Variants in CYP4F22 observed in about 807,000 individuals in gnomAD.
The protein encoded by CYP4F22 is ultra-long-chain fatty acid omega-hydroxylase.
In CYP4F22, 37 loss-of-function variants were observed where a neutral mutation model predicts 60.4. The observed-to-expected ratio is 0.61, with a 90% CI of 0.47 to 0.81. The LOEUF (loss-of-function observed/expected upper bound fraction) is 0.81. Among genes scored for constraint, CYP4F22 ranks in the 30% least tolerant of loss-of-function variants. The pLI is 0.00. For missense variants in CYP4F22, 655 were observed against 715.0 expected (o/e 0.92, Z 0.96); for synonymous variants, 258 against 280.5 (o/e 0.92, Z 0.80).
intron 1 of CYP4F22, among the ~76,000 whole-genome samples, chr19:15,522,970 C>T (rs1042653712): frequency 1.3e-5 from 2 of 151,934 alleles, no homozygotes; most frequent in Admixed American, 1.3e-4. Context: ...CTCGGCCTCC[C>T]GAAATGTTGG....
chr19:15,549,306 C>A, intron 12 of CYP4F22, 104 bp downstream of exon 12: 1 of 1,095,286 alleles, frequency 9.1e-7, no homozygotes. Flanking sequence ...GCGCACACCC[C>A]TCCCCACTCC....
intron 12 of CYP4F22, 148 bp from the exon 13 acceptor site, chr19:15,550,526 C>A: frequency 1.3e-6 from 1 of 746,354 alleles, no homozygotes; most frequent in Non-Finnish European, 2.4e-6. Context: ...GGTGTGGCTG[C>A]ATTGCAGGAA....
At chr19:15,541,719 A>G (rs570439648) in intron 8 of CYP4F22, among the ~76,000 whole-genome samples, 1 of 152,086 alleles carries the variant, frequency 6.6e-6, no homozygotes, top group South Asian at 2.1e-4. Context: ...CATCTCTACT[A>G]AAAATACAAA....
At chr19:15,539,707 CACTA>C in intron 7 of CYP4F22, among the ~76,000 whole-genome samples, 1 of 152,312 alleles carries the variant, frequency 6.6e-6, no homozygotes, top group East Asian at 1.9e-4. Flanking sequence ...TCCACATACT[CACTA>C]ACACTTGCTT....
chr19:15,520,682 A>G (rs1211787184), intron 1 of CYP4F22, among the ~76,000 whole-genome samples: 5 of 143,872 alleles, frequency 3.5e-5, no homozygotes, highest in East Asian at 2.1e-4. Flanking sequence ...CCGCCTCCCA[A>G]GTTCAAGCGA....
At chr19:15,524,867 AGG>A (rs1270590778) in intron 2 of CYP4F22, among the ~76,000 whole-genome samples, 2 of 152,170 alleles carry the variant, frequency 1.3e-5, no homozygotes, top group African/African-American at 4.8e-5. Context: ...AGAGGGGGAA[AGG>A]ACGTGGCCAA....
At chr19:15,543,046 T>G (rs1203914270) in intron 8 of CYP4F22, among the ~76,000 whole-genome samples, 2 of 152,164 alleles carry the variant, frequency 1.3e-5, no homozygotes, top group African/African-American at 4.8e-5. Flanking sequence ...ATAGAATAAT[T>G]TATATTCCTT....
intron 10 of CYP4F22, among the ~76,000 whole-genome samples, chr19:15,546,528 G>A (rs1971528103): frequency 6.6e-6 from 1 of 152,118 alleles, no homozygotes; most frequent in South Asian, 2.1e-4. Flanking sequence ...AGGTTGCAGT[G>A]AGCTGAGATT....
At position 15,517,148 on chromosome 19, in the gene CYP4F22, C is replaced by T. The variant is rs780370333; in HGVS notation, c.-108-6545C>T. Among the ~76,000 whole-genome samples, 60 of 144,424 alleles carry T rather than the reference C, an allele frequency of 4.2e-4. 1 individual carries two copies. Among genetic ancestry groups the T allele is most frequent in the Non-Finnish European group, 1.6e-4 (11 of 67,204 alleles). The allele number at this position is 144,424 out of a possible 152,430, so 94.7% of individuals were successfully genotyped here. ...AAATGATAATTCTAGGGTTTCCCCA[C>T]AGTGGCTGCACTATTTTTTTTTGTG... On this transcript the variant is annotated intron_variant, in intron 1 of 13. Transcript: ENST00000269703.
At chr19:15,521,711 C>T (rs1971227745) in intron 1 of CYP4F22, among the ~76,000 whole-genome samples, 1 of 152,146 alleles carries the variant, frequency 6.6e-6, no homozygotes, top group Non-Finnish European at 1.5e-5. Flanking sequence ...CCCTATGTCA[C>T]CCAGGCTGGG....
intron 12 of CYP4F22, among the ~76,000 whole-genome samples, chr19:15,549,812 A>AG (rs1971573959): frequency 6.6e-6 from 1 of 151,544 alleles, no homozygotes; most frequent in Non-Finnish European, 1.5e-5. Context: ...TCTAAAAAAA[A>AG]AAAAAGTTAG....
intron 3 of CYP4F22, among the ~76,000 whole-genome samples, chr19:15,529,042 C>T (rs965008793): frequency 1.3e-5 from 2 of 152,140 alleles, no homozygotes; most frequent in African/African-American, 4.8e-5. Flanking sequence ...ATCCCAAGCT[C>T]AGGTGGTCCT....
intron 1 of CYP4F22, chr19:15,516,588 T>C (rs367921101): frequency 1.1e-4 from 31 of 270,674 alleles, no homozygotes; most frequent in African/African-American, 6.6e-4. Context: ...ATTATCTGAA[T>C]GCTGATTTTT....
chr19:15,525,016 C>A (rs1971265628), intron 2 of CYP4F22, among the ~76,000 whole-genome samples: 1 of 152,128 alleles, frequency 6.6e-6, no homozygotes, highest in African/African-American at 2.4e-5. Context: ...GAGCCTCAGT[C>A]ATTGGTTGAG....
At chr19:15,529,376 G>T (rs1167486828) in intron 3 of CYP4F22, among the ~76,000 whole-genome samples, 1 of 152,016 alleles carries the variant, frequency 6.6e-6, no homozygotes, top group African/African-American at 2.4e-5. Flanking sequence ...TGATCTGCTT[G>T]CCTTGGCCTC....
chr19:15,551,238 C>T (rs1388505040), intron 13 of CYP4F22, 56 bp from the exon 14 acceptor site: 4 of 1,575,002 alleles, frequency 2.5e-6, no homozygotes, highest in African/African-American at 2.7e-5. Context: ...ATGTGACCCC[C>T]GGGGACCAGT....
At chr19:15,517,048 T>C (rs372482716) in intron 1 of CYP4F22, among the ~76,000 whole-genome samples, 29 of 152,300 alleles carry the variant, frequency 1.9e-4, no homozygotes, top group African/African-American at 6.7e-4. Context: ...CTTGAACTCC[T>C]GACCTCAGGC....
Position 15,540,618 on chromosome 19 carries a change from G to A in CYP4F22, c.840G>A (p.Gln280=). 6.2e-7 allele frequency: 1 copy of A among 1,614,244 alleles called. No individual in the cohort carries two copies. Among genetic ancestry groups the A allele is most frequent in the Non-Finnish European group, 8.5e-7 (1 of 1,180,058 alleles). ...ACCACTTCACCACTGAAGTCATCCAGGAACGGCGGCGGGCACTGCGTCAGC... is the reference window on the plus strand; with the variant it reads ...ACCACTTCACCACTGAAGTCATCCAAGAACGGCGGCGGGCACTGCGTCAGC... The part of the protein sequence containing the change: ...MVHHFTTEVI[Q]ERRRALRQQG... The change falls in exon 8 of 14, where the codon CAG becomes CAA. Residue 280 remains glutamine (Q), a synonymous_variant. Transcript: ENST00000269703.
chr19:15,551,730 G>A lies in CYP4F22; in HGVS notation c.*259G>A. 3.4e-6 allele frequency: 2 copies of A among 581,908 alleles called. No individual in the cohort carries two copies. The highest frequency in any genetic ancestry group is 5.7e-5 in the East Asian group (2 of 34,930). The allele number at this position is 581,908 out of a possible 1,614,324, so 36.0% of individuals were successfully genotyped here. ...ACTTCTCGCACCTGTCCTGTTTGAG[G>A]GACCAGGGTCGACCCTGCCCCCTTG... On this transcript the variant is annotated 3_prime_UTR_variant, in exon 14 of 14. Coordinates refer to ENST00000269703, the MANE Select transcript of CYP4F22 (RefSeq NM_173483.4).
Sources: gnomAD v4.1 joint callset for allele counts (sites outside exome capture counted in the v4.1 genomes callset) on GRCh38, gnomAD v4.1.1 for gene constraint, MANE v1.5 for transcripts, NCBI Gene and HGNC (gene_info 2026-07-23, HGNC 2026-07-21) for gene names.